Variants in WWOX observed in about 807,000 individuals in gnomAD.
WWOX encodes the protein WW domain-containing oxidoreductase.
A neutral mutation model predicts 46.2 loss-of-function variants in WWOX; 69 were observed. The ratio of observed to expected loss-of-function variants is 1.49; its 90% CI spans 1.23 to 1.82. WWOX has a LOEUF of 1.82. Ranked by LOEUF, WWOX falls within the 40% of genes most tolerant of loss-of-function variation. The probability of loss-of-function intolerance (pLI) is 0.00; values close to 1 mark genes in which losing one functional copy is unlikely to be tolerated. For missense variants in WWOX, 919 were observed against 542.6 expected (o/e 1.69, Z -6.89); for synonymous variants, 359 against 202.6 (o/e 1.77, Z -6.56).
Position 78,609,645 on chromosome 16 carries a change from C to G in WWOX, c.1056+176893C>G, listed in dbSNP as rs142740923. 1.5e-3 allele frequency among the ~76,000 whole-genome samples: 227 copies of G among 151,924 alleles called. 1 individual carries two copies. Among genetic ancestry groups the G allele is most frequent in the African/African-American group, 5.3e-3 (219 of 41,398 alleles). On this transcript the variant is annotated intron_variant, in intron 8 of 8. Transcript: ENST00000566780. ...TGGGGGCTTCCTGGTCCCTGTCACT[C>G]TTAAAATGCAGCCTGTCTTTGGACA...
At chr16:79,066,204 G>A (rs902599326) in intron 8 of WWOX, among the ~76,000 whole-genome samples, 1 of 152,064 alleles carries the variant, frequency 6.6e-6, no homozygotes, top group Non-Finnish European at 1.5e-5. Context: ...ACTGTTCCAC[G>A]TGGGACGTTC....
Position 78,224,294 on chromosome 16 carries a change from C to T in WWOX, c.516+60005C>T, listed in dbSNP as rs142523253. Among the ~76,000 whole-genome samples the T allele has an allele frequency of 6.2e-4, 95 of 152,146 alleles. No individual in the cohort carries two copies. In the Middle Eastern group the frequency reaches 0.017, roughly 27 times the overall value. The stretch of plus-strand genomic sequence containing the variant: ...CTGGGATTACAGGTGTGAGCCACCA[C>T]GTCCGGCCTGTTTTTCCTTCTTTGT... On this transcript the variant is annotated intron_variant, in intron 5 of 8. Coordinates refer to ENST00000566780, the MANE Select transcript of WWOX (RefSeq NM_016373.4).
At chr16:78,993,695 C>G (rs1274106808) in intron 8 of WWOX, among the ~76,000 whole-genome samples, 1 of 152,148 alleles carries the variant, frequency 6.6e-6, no homozygotes, top group African/African-American at 2.4e-5. Context: ...CACGGGGGGA[C>G]AGGAAACACA....
chr16:78,321,429 T>C (rs1291612719), intron 5 of WWOX, among the ~76,000 whole-genome samples: 1 of 143,030 alleles, frequency 7.0e-6, no homozygotes, highest in Admixed American at 7.3e-5. Context: ...TGTATATATA[T>C]ATATAAAAAT....
intron 8 of WWOX, among the ~76,000 whole-genome samples, chr16:79,044,595 C>T (rs1402447531): frequency 6.6e-6 from 1 of 152,190 alleles, no homozygotes; most frequent in Non-Finnish European, 1.5e-5. Flanking sequence ...CAGGCAGCTG[C>T]CAGTATCATG....
intron 8 of WWOX, among the ~76,000 whole-genome samples, chr16:78,835,568 A>G (rs763819183): frequency 5.9e-5 from 9 of 152,332 alleles, no homozygotes; most frequent in Middle Eastern, 3.4e-3. Context: ...TCACACACAT[A>G]TTGATATCAG....
intron 8 of WWOX, among the ~76,000 whole-genome samples, chr16:79,191,584 T>A (rs937524995): frequency 3.3e-5 from 5 of 152,236 alleles, no homozygotes; most frequent in Non-Finnish European, 5.9e-5. Context: ...TTTTTCTCAA[T>A]TACTGATGAT....
At chr16:78,532,107 G>T (rs908735810) in intron 8 of WWOX, among the ~76,000 whole-genome samples, 6 of 151,350 alleles carry the variant, frequency 4.0e-5, no homozygotes, top group African/African-American at 1.5e-4. Flanking sequence ...GGGAGTGGAA[G>T]AGCTGTCAGA....
intron 8 of WWOX, chr16:78,899,449 A>G (rs1243421522): frequency 1.3e-5 from 2 of 152,186 alleles, no homozygotes; most frequent in Non-Finnish European, 2.9e-5. Flanking sequence ...CTGTAACTGG[A>G]AAATGTGTAC....
chr16:78,459,748 A>C (rs1019624940), intron 8 of WWOX, among the ~76,000 whole-genome samples: 1 of 152,210 alleles, frequency 6.6e-6, no homozygotes, highest in Non-Finnish European at 1.5e-5. Flanking sequence ...ATTTACATTC[A>C]GCCTGAAGGC....
At chr16:78,920,108 C>G (rs530627281) in intron 8 of WWOX, among the ~76,000 whole-genome samples, 1 of 152,148 alleles carries the variant, frequency 6.6e-6, no homozygotes, top group South Asian at 2.1e-4. Context: ...GAGTTCTTGT[C>G]TACACTGTAG....
At chr16:78,493,093 G>A (rs1324334985) in intron 8 of WWOX, among the ~76,000 whole-genome samples, 3 of 152,086 alleles carry the variant, frequency 2.0e-5, no homozygotes, top group Non-Finnish European at 2.9e-5. Flanking sequence ...CACACAACTC[G>A]GGGAATTTTA....
chr16:79,138,684 C>T (rs1056453126), intron 8 of WWOX, among the ~76,000 whole-genome samples: 3 of 152,208 alleles, frequency 2.0e-5, no homozygotes, highest in Non-Finnish European at 2.9e-5. Context: ...AACTCTCTAA[C>T]GTGGTCACTT....
At chr16:78,593,629 G>A (rs984282163) in intron 8 of WWOX, among the ~76,000 whole-genome samples, 1 of 152,056 alleles carries the variant, frequency 6.6e-6, no homozygotes, top group Non-Finnish European at 1.5e-5. Context: ...ACAGGGGGAG[G>A]TATTTGCATA....
chr16:78,395,720 T>C (rs375159962), intron 6 of WWOX, among the ~76,000 whole-genome samples: 9 of 152,192 alleles, frequency 5.9e-5, no homozygotes, highest in African/African-American at 2.2e-4. Context: ...TAAAGTACTT[T>C]ATTACTCTAC....
At chr16:78,993,968 C>T (rs921545101) in intron 8 of WWOX, among the ~76,000 whole-genome samples, 1 of 152,142 alleles carries the variant, frequency 6.6e-6, no homozygotes, top group East Asian at 1.9e-4. Flanking sequence ...CTGGGCAAGC[C>T]AACAGCTCAG....
At position 78,151,272 on chromosome 16, in the gene WWOX, A is replaced by G. The variant is rs7196189; in HGVS notation, c.410-12911A>G. ...CACAATATCACAAATCCACAGTCAC[A>G]TGGTGATTGTGGTAGTGTGGGGGGC... On this transcript the variant is annotated intron_variant, in intron 4 of 8. Coordinates refer to ENST00000566780, the MANE Select transcript of WWOX (RefSeq NM_016373.4). Among the ~76,000 whole-genome samples, 1,012 of 152,236 alleles carry G rather than the reference A, an allele frequency of 6.6e-3. 14 individuals are homozygous for G. The highest frequency in any genetic ancestry group is 0.023 in the African/African-American group (971 of 41,536).
chr16:79,210,686 C>A (rs1044916148), intron 8 of WWOX, among the ~76,000 whole-genome samples: 1 of 152,110 alleles, frequency 6.6e-6, no homozygotes, highest in African/African-American at 2.4e-5. Flanking sequence ...GACCATGTCT[C>A]CCTCTGAACA....
intron 5 of WWOX, among the ~76,000 whole-genome samples, chr16:78,327,347 C>G (rs1471116447): frequency 2.0e-5 from 3 of 152,232 alleles, no homozygotes; most frequent in Non-Finnish European, 2.9e-5. Context: ...GCTTTCAAAG[C>G]CAGTTGTCAC....
Sources: allele counts gnomAD v4.1 joint callset (sites outside exome capture counted in the v4.1 genomes callset), GRCh38; gene constraint gnomAD v4.1.1; transcripts MANE v1.5; gene names NCBI Gene and HGNC (gene_info 2026-07-23, HGNC 2026-07-21).